TENM2: variants seen among roughly 807,000 people sequenced by gnomAD.
TENM2 encodes the protein teneurin-2.
TENM2 carries 52 observed loss-of-function variants against 245.2 expected under a neutral mutation model. That is an observed-to-expected ratio of 0.21 (90% CI 0.17 to 0.27). The LOEUF (loss-of-function observed/expected upper bound fraction) is 0.27, where lower values mean the gene tolerates loss of function less well. TENM2 is among the 10% of genes least tolerant of loss of function. TENM2 has a pLI of 1.00. For missense variants in TENM2, 3,046 were observed against 3,666.8 expected (o/e 0.83, Z 4.37); for synonymous variants, 1,363 against 1,438.9 (o/e 0.95, Z 1.19).
intron 9 of TENM2, among the ~76,000 whole-genome samples, chr5:168,111,648 T>A (rs941634531): frequency 1.3e-5 from 2 of 152,118 alleles, no homozygotes; most frequent in Non-Finnish European, 1.5e-5. Context: ...TTGGGCACGG[T>A]GAGCCAGGGA....
At chr5:168,136,325 G>T (rs1290438177) in intron 12 of TENM2, among the ~76,000 whole-genome samples, 1 of 152,080 alleles carries the variant, frequency 6.6e-6, no homozygotes, top group Non-Finnish European at 1.5e-5. Context: ...CATCCCAAGG[G>T]CCTCTAGAAG....
At chr5:167,628,935 GAAGCT>G (rs1778690477) in intron 2 of TENM2, among the ~76,000 whole-genome samples, 1 of 152,164 alleles carries the variant, frequency 6.6e-6, no homozygotes, top group Non-Finnish European at 1.5e-5. Flanking sequence ...CCACCTAAAA[GAAGCT>G]TGTCCCTTTG....
chr5:167,260,789 G>A, the TENM2 span, among the ~76,000 whole-genome samples: 1 of 152,124 alleles, frequency 6.6e-6, no homozygotes, highest in African/African-American at 2.4e-5. Context: ...TGGTATAAAG[G>A]CAATATTAGG....
chr5:168,234,959 A>G (rs1006171037), intron 25 of TENM2, among the ~76,000 whole-genome samples: 16 of 152,230 alleles, frequency 1.1e-4, no homozygotes, highest in Non-Finnish European at 2.1e-4. Context: ...AATTAATATG[A>G]CATTGCAATT....
intron 2 of TENM2, among the ~76,000 whole-genome samples, chr5:167,766,794 G>A (rs150276811): frequency 0.013 from 1,925 of 152,122 alleles, 41 homozygotes; most frequent in African/African-American, 0.043. Flanking sequence ...CAGGAGAATC[G>A]GTTGAACCTG....
intron 1 of TENM2, among the ~76,000 whole-genome samples, chr5:167,292,495 A>G (rs1328224918): frequency 1.3e-5 from 2 of 152,116 alleles, no homozygotes; most frequent in African/African-American, 4.8e-5. Flanking sequence ...CCAATATTTC[A>G]ACACTGGACA....
chr5:167,075,807 C>A, the TENM2 span, among the ~76,000 whole-genome samples: 2 of 152,172 alleles, frequency 1.3e-5, no homozygotes, highest in African/African-American at 2.4e-5. Flanking sequence ...CCTGGCATTA[C>A]ATTTCATTGA....
rs1774768564 is a variant in TENM2 at position 167,577,302 on chromosome 5, T to C, written c.502+201829T>C. Among the ~76,000 whole-genome samples the C allele has an allele frequency of 2.0e-5, 3 of 152,160 alleles. No homozygotes were observed. The South Asian group carries it at 6.2e-4, about 32-fold the overall frequency. On this transcript the variant is annotated intron_variant, in intron 2 of 28. Transcript: ENST00000518659. ...AAAGCACTTGCAGACAGGACAAGGG[T>C]GTAACCTATGTTGGAGAGCTTTCGG... is the stretch of plus-strand genomic sequence containing the variant.
chr5:168,112,286 T>C (rs925263734), intron 9 of TENM2, among the ~76,000 whole-genome samples: 7 of 152,074 alleles, frequency 4.6e-5, no homozygotes, highest in African/African-American at 1.4e-4. Context: ...TAAACTTGTG[T>C]CATGGGGGGT....
the TENM2 span, among the ~76,000 whole-genome samples, chr5:167,090,599 C>G: frequency 2.0e-5 from 3 of 152,160 alleles, no homozygotes. Flanking sequence ...CCTCTAATTT[C>G]TTTCAGAAGT....
At chr5:167,058,268 A>G in the TENM2 span, among the ~76,000 whole-genome samples, 2 of 152,174 alleles carry the variant, frequency 1.3e-5, no homozygotes, top group African/African-American at 2.4e-5. Context: ...TCTATGACCT[A>G]TAATAGGCAT....
At chr5:167,014,903 T>A in the TENM2 span, among the ~76,000 whole-genome samples, 2 of 152,330 alleles carry the variant, frequency 1.3e-5, no homozygotes, top group Non-Finnish European at 2.9e-5. Flanking sequence ...TCTACCTAAA[T>A]TAATCCCCCT....
At chr5:167,933,471 G>C (rs1778444200) in intron 3 of TENM2, among the ~76,000 whole-genome samples, 1 of 151,972 alleles carries the variant, frequency 6.6e-6, no homozygotes, top group Non-Finnish European at 1.5e-5. Flanking sequence ...CTCTTAATAG[G>C]TTTTCAGTCA....
chr5:167,132,467 A>C, the TENM2 span, among the ~76,000 whole-genome samples: 3,437 of 152,098 alleles, frequency 0.023, 126 homozygotes, highest in African/African-American at 0.079. Context: ...TTTTCCTTTT[A>C]AATTTGCCAA....
intron 1 of TENM2, among the ~76,000 whole-genome samples, chr5:167,315,041 GGTTA>G (rs1554132928): frequency 6.6e-6 from 1 of 151,482 alleles, no homozygotes; most frequent in Non-Finnish European, 1.5e-5. Context: ...TTCCTTTCTT[GGTTA>G]GTTAGGTCCC....
At chr5:168,089,767 T>G (rs1262683579) in intron 7 of TENM2, among the ~76,000 whole-genome samples, 5 of 152,188 alleles carry the variant, frequency 3.3e-5, no homozygotes, top group African/African-American at 1.2e-4. Context: ...CCAAGATAGG[T>G]ACCAAATCAG....
At chr5:167,366,503 T>G (rs1453612172) in intron 1 of TENM2, among the ~76,000 whole-genome samples, 1 of 152,160 alleles carries the variant, frequency 6.6e-6, no homozygotes, top group African/African-American at 2.4e-5. Context: ...TCCTCCACCC[T>G]GTGAAAGTAG....
intron 2 of TENM2, among the ~76,000 whole-genome samples, chr5:167,497,561 C>A (rs1218969637): frequency 6.6e-6 from 1 of 151,946 alleles, no homozygotes; most frequent in Non-Finnish European, 1.5e-5. Flanking sequence ...AGGCATACAC[C>A]CCATTGCTCT....
intron 7 of TENM2, among the ~76,000 whole-genome samples, chr5:168,076,251 A>G (rs542244023): frequency 6.8e-6 from 1 of 147,896 alleles, no homozygotes; most frequent in Admixed American, 6.8e-5. Flanking sequence ...TTTGAGACAG[A>G]GTCTCAATCT....
Sources: allele counts gnomAD v4.1 joint callset (sites outside exome capture counted in the v4.1 genomes callset), GRCh38; gene constraint gnomAD v4.1.1; transcripts MANE v1.5; gene names NCBI Gene and HGNC (gene_info 2026-07-23, HGNC 2026-07-21).